The following TMEM276 variants were observed in gnomAD, a reference collection of about 807,000 sequenced individuals.
TMEM276 encodes transmembrane protein 276.
chr8:144,466,418 C>T, the TMEM276 span: 4 of 1,314,618 alleles, frequency 3.0e-6, no homozygotes, highest in East Asian at 1.1e-4. Context: ...CCCCGCGCTC[C>T]CATGTACGCC....
At chr8:144,465,531 TG>T in the TMEM276 span, 170 of 396,386 alleles carry the variant, frequency 4.3e-4, no homozygotes, top group East Asian at 1.3e-3. Context: ...CTAGAGCGGC[TG>T]GGGGGGGAGG....
the TMEM276 span, chr8:144,464,548 G>A: frequency 8.1e-6 from 13 of 1,611,586 alleles, no homozygotes; most frequent in East Asian, 2.2e-5. Context: ...GCTCAGCCCT[G>A]GGGCCAGCGT....
At chr8:144,466,369 G>T in the TMEM276 span, 1 of 771,622 alleles carries the variant, frequency 1.3e-6, no homozygotes. Flanking sequence ...GAGTCTGGGC[G>T]CGGGGACGCG....
the TMEM276 span, chr8:144,465,216 G>T: frequency 8.2e-7 from 1 of 1,225,968 alleles, no homozygotes; most frequent in South Asian, 1.6e-5. Context: ...GCCTGGGGAA[G>T]AGAGAGCGGC....
At chr8:144,466,916 C>A in the TMEM276 span, 2 of 1,570,312 alleles carry the variant, frequency 1.3e-6, no homozygotes, top group Non-Finnish European at 1.7e-6. Flanking sequence ...CTGGCTCAAG[C>A]ACGTGACCCG....
At chr8:144,464,643 GA>G in the TMEM276 span, 1 of 1,583,292 alleles carries the variant, frequency 6.3e-7, no homozygotes. Context: ...GAACACGTGG[GA>G]AAAAGAGGCC....
At chr8:144,465,112 A>C in the TMEM276 span, 12 of 1,454,772 alleles carry the variant, frequency 8.2e-6, no homozygotes, top group East Asian at 5.4e-5. Flanking sequence ...GAGAAGAAGA[A>C]CCTAATTCAG....
chr8:144,464,449 T>C, the TMEM276 span: 1 of 1,612,020 alleles, frequency 6.2e-7, no homozygotes, highest in African/African-American at 1.3e-5. Flanking sequence ...AGAGGAGCGG[T>C]CCCCATTCAC....
At chr8:144,466,672 G>A in the TMEM276 span, 1 of 1,189,530 alleles carries the variant, frequency 8.4e-7, no homozygotes, top group Middle Eastern at 2.9e-4. Context: ...GTAGACTTCG[G>A]CCCCAATCCT....
the TMEM276 span, chr8:144,464,960 G>C: frequency 6.3e-7 from 1 of 1,588,536 alleles, no homozygotes; most frequent in Non-Finnish European, 8.5e-7. Flanking sequence ...ACTTTGGAGA[G>C]GAAGGAAGCG....
chr8:144,464,374 C>A, the TMEM276 span: 2 of 1,610,596 alleles, frequency 1.2e-6, no homozygotes, highest in South Asian at 2.2e-5. Flanking sequence ...CACAGAGCGG[C>A]CCTCAGGGCC....
the TMEM276 span, chr8:144,465,131 C>G: frequency 8.6e-6 from 12 of 1,402,198 alleles, no homozygotes; most frequent in East Asian, 8.7e-5. Context: ...AGCCGGGAAA[C>G]GGGGGAAAAC....
the TMEM276 span, chr8:144,466,880 G>T: frequency 6.5e-7 from 1 of 1,539,088 alleles, no homozygotes; most frequent in African/African-American, 1.4e-5. Context: ...GGGCGGTGCC[G>T]GGACCTCCCA....
At chr8:144,466,371 G>T in the TMEM276 span, 2 of 801,236 alleles carry the variant, frequency 2.5e-6, no homozygotes, top group Non-Finnish European at 3.2e-6. Flanking sequence ...GTCTGGGCGC[G>T]GGGACGCGGG....
the TMEM276 span, chr8:144,464,573 A>C: frequency 1.9e-6 from 3 of 1,611,084 alleles, no homozygotes; most frequent in Non-Finnish European, 2.5e-6. Flanking sequence ...GTGGCAGCCA[A>C]GACCTGGAGC....
At chr8:144,466,461 C>A in the TMEM276 span, 2 of 1,362,202 alleles carry the variant, frequency 1.5e-6, no homozygotes, top group African/African-American at 1.5e-5. Context: ...TCTTCTACAG[C>A]CTCTTCCGCA....
At chr8:144,465,667 T>C in the TMEM276 span, 1 of 105,676 alleles carries the variant, frequency 9.5e-6, no homozygotes, top group South Asian at 3.4e-4. Context: ...TGCGTGGGCA[T>C]AGTGGTTTGG....
At chr8:144,465,493 G>A in the TMEM276 span, 2 of 965,784 alleles carry the variant, frequency 2.1e-6, no homozygotes, top group Admixed American at 1.2e-4. Flanking sequence ...CCAGCGAGAG[G>A]AGCGGAGGCT....
the TMEM276 span, chr8:144,465,677 G>A: frequency 8.6e-6 from 1 of 116,508 alleles, no homozygotes; most frequent in African/African-American, 3.4e-5. Context: ...TAGTGGTTTG[G>A]AAGGAGCGTG....
Sources: gnomAD v4.1 joint callset for allele counts on GRCh38, gnomAD v4.1.1 for gene constraint, MANE v1.5 for transcripts, NCBI Gene and HGNC (gene_info 2026-07-23, HGNC 2026-07-21) for gene names.